FANCC: variants seen among roughly 807,000 people sequenced by gnomAD.
FANCC encodes Fanconi anemia group C protein.
Under a neutral mutation model 71.3 loss-of-function variants are expected in FANCC, and 55 were observed. That is an observed-to-expected ratio of 0.77 (90% CI 0.62 to 0.97). The LOEUF is 0.97. FANCC is among the 50% of genes least tolerant of loss of function. The pLI is 0.00. For missense variants in FANCC, 678 were observed against 670.9 expected (o/e 1.01, Z -0.12); for synonymous variants, 275 against 244.9 (o/e 1.12, Z -1.15).
chr9:95,135,079 AG>A (rs1827473155), intron 8 of FANCC, among the ~76,000 whole-genome samples: 2 of 152,250 alleles, frequency 1.3e-5, no homozygotes, highest in Non-Finnish European at 2.9e-5. Flanking sequence ...GTTTTTAAAA[AG>A]TCTGTTGTGC....
intron 1 of FANCC, among the ~76,000 whole-genome samples, chr9:95,252,873 A>AC (rs1402073453): frequency 4.7e-5 from 7 of 149,926 alleles, no homozygotes; most frequent in African/African-American, 1.7e-4. Context: ...ACATACCAAG[A>AC]CCCCATCTCT....
At chr9:95,171,889 T>TG in intron 5 of FANCC, 148 bp downstream of exon 5, 2 of 642,570 alleles carry the variant, frequency 3.1e-6, no homozygotes, top group Middle Eastern at 4.2e-4. Flanking sequence ...CTTCCGTACA[T>TG]GGCCATAAGT....
At chr9:95,209,136 G>A (rs539449831) in intron 4 of FANCC, among the ~76,000 whole-genome samples, 1 of 152,318 alleles carries the variant, frequency 6.6e-6, no homozygotes, top group East Asian at 1.9e-4. Flanking sequence ...GAAATGGCTA[G>A]ATAATCTATG....
At chr9:95,105,484 G>A (rs1403353987) in intron 14 of FANCC, among the ~76,000 whole-genome samples, 1 of 152,214 alleles carries the variant, frequency 6.6e-6, no homozygotes, top group Non-Finnish European at 1.5e-5. Context: ...CCAGCATGCT[G>A]GTGCTTTTTC....
Position 95,259,344 on chromosome 9 carries a change from G to C in FANCC, c.-78-9975C>G, listed in dbSNP as rs550746448. On this transcript the variant is annotated intron_variant, in intron 1 of 14. Coordinates refer to ENST00000289081, the MANE Select transcript of FANCC (RefSeq NM_000136.3). ...AGCATGGTACTGGTACCAAAACAGA[G>C]ATATAGGCCAATGGAACAGAACAGA... is the stretch of plus-strand genomic sequence containing the variant. Among the ~76,000 whole-genome samples the C allele has an allele frequency of 1.0e-3, 156 of 152,190 alleles. 1 individual carries two copies. Among genetic ancestry groups the C allele is most frequent in the Non-Finnish European group, 1.1e-3 (75 of 68,002 alleles).
chr9:95,253,068 G>GA (rs1008108838), intron 1 of FANCC, among the ~76,000 whole-genome samples: 1 of 151,516 alleles, frequency 6.6e-6, no homozygotes. Context: ...GTCTAAAAAA[G>GA]AAAAAAAGGC....
intron 1 of FANCC, among the ~76,000 whole-genome samples, chr9:95,252,300 A>G (rs1831394716): frequency 6.6e-6 from 1 of 151,092 alleles, no homozygotes; most frequent in African/African-American, 2.4e-5. Context: ...AAAAAGAAAA[A>G]AAAAAGAAAC....
rs1206194707 is a variant in FANCC, at chr9:95,105,538, TG to T, written c.1533+1527del. The stretch of plus-strand genomic sequence containing the variant: ...AAATTGTGGTAAAATATACATAAAA[TG>T]TGCTGTTTTACCCATTTGTGTAATT... On this transcript the variant is annotated intron_variant, in intron 14 of 14. Coordinates refer to ENST00000289081, the MANE Select transcript of FANCC (RefSeq NM_000136.3). 2.6e-5 allele frequency among the ~76,000 whole-genome samples: 4 copies of T among 152,246 alleles called. No individual in the cohort carries two copies. The East Asian group carries it at 7.7e-4, about 29-fold the overall frequency.
chr9:95,156,999 G>A (rs565043565), intron 6 of FANCC, among the ~76,000 whole-genome samples: 4 of 152,170 alleles, frequency 2.6e-5, no homozygotes, highest in Non-Finnish European at 4.4e-5. Context: ...AAAGTCAGGA[G>A]AGTCCCATCC....
chr9:95,147,014 T>C (rs1253457618), intron 7 of FANCC, among the ~76,000 whole-genome samples: 1 of 150,668 alleles, frequency 6.6e-6, no homozygotes, highest in Non-Finnish European at 1.5e-5. Context: ...ATAATTTTAT[T>C]AGATATATAT....
chr9:95,302,667 C>T (rs183264582), intron 1 of FANCC, among the ~76,000 whole-genome samples: 11 of 152,324 alleles, frequency 7.2e-5, no homozygotes, highest in Admixed American at 1.3e-4. Flanking sequence ...CCTTCTAAAG[C>T]ACTTGTGCCT....
In FANCC at chr9:95,132,368, C is replaced by T. The variant is rs117189586; in HGVS notation, c.843+2978G>A. On this transcript the variant is annotated intron_variant, in intron 8 of 14. Coordinates refer to ENST00000289081, the MANE Select transcript of FANCC (RefSeq NM_000136.3). Reference sequence around the variant, plus strand: ...TAATTTGGGGCCAGCCTTGGGAAACCGAACAATGCCAAGAAGGCTGCATAA... The same window carrying T: ...TAATTTGGGGCCAGCCTTGGGAAACTGAACAATGCCAAGAAGGCTGCATAA... Among the ~76,000 whole-genome samples the T allele has an allele frequency of 3.7e-4, 56 of 152,320 alleles. No homozygotes were observed. The East Asian group carries it at 8.1e-3, about 22-fold the overall frequency.
intron 14 of FANCC, among the ~76,000 whole-genome samples, chr9:95,105,535 A>C (rs1053991835): frequency 2.0e-5 from 3 of 152,240 alleles, no homozygotes; most frequent in Admixed American, 6.5e-5. Flanking sequence ...AATATACATA[A>C]AATGTGCTGT....
At chr9:95,215,233 G>A (rs1028788121) in intron 4 of FANCC, among the ~76,000 whole-genome samples, 7 of 152,132 alleles carry the variant, frequency 4.6e-5, no homozygotes, top group African/African-American at 1.7e-4. Flanking sequence ...ATCTGAGGAT[G>A]CAAAGAAATG....
At chr9:95,123,889 T>G in intron 10 of FANCC, 1 of 512,788 alleles carries the variant, frequency 2.0e-6, no homozygotes, top group Admixed American at 2.5e-5. Context: ...CCTTAAAGTC[T>G]GAAGACGGAC....
chr9:95,172,360 CATT>C (rs1209325749), intron 4 of FANCC, among the ~76,000 whole-genome samples: 3 of 152,152 alleles, frequency 2.0e-5, no homozygotes, highest in Admixed American at 6.5e-5. Flanking sequence ...TTTAAACAAA[CATT>C]AGCAGTGAAA....
chr9:95,140,542 T>C (rs989491462), intron 7 of FANCC, among the ~76,000 whole-genome samples: 1 of 152,194 alleles, frequency 6.6e-6, no homozygotes, highest in Non-Finnish European at 1.5e-5. Context: ...AGGTTCTTGA[T>C]GAGGGAGGCC....
At position 95,107,118 on chromosome 9, in the gene FANCC, A is replaced by T; in HGVS notation, c.1481T>A (p.Phe494Tyr). Residue 494 changes from phenylalanine (F) to tyrosine (Y), a missense_variant, in exon 14 of 15, where the codon TTC becomes TAC. Transcript: ENST00000289081. The part of the protein sequence containing the change: ...QQLIRHLLLN[F>Y]LLWAPGGHTI... ...GTGGCCTCCAGGAGCCCAGAGCAGGAAGTTGAGGAGAAGGTGCCTGATCAG... is the reference window on the plus strand; with the variant it reads ...GTGGCCTCCAGGAGCCCAGAGCAGGTAGTTGAGGAGAAGGTGCCTGATCAG... The T allele has an allele frequency of 6.2e-7, 1 of 1,614,130 alleles. No homozygotes were observed. The highest frequency in any genetic ancestry group is 8.5e-7 in the Non-Finnish European group (1 of 1,180,022).
At chr9:95,149,659 A>G (rs1006380039) in intron 7 of FANCC, among the ~76,000 whole-genome samples, 6 of 151,972 alleles carry the variant, frequency 3.9e-5, no homozygotes, top group Non-Finnish European at 8.8e-5. Flanking sequence ...TTGCATTTTT[A>G]GTAGAGACAG....
Sources: gnomAD v4.1 joint callset for allele counts (sites outside exome capture counted in the v4.1 genomes callset) on GRCh38, gnomAD v4.1.1 for gene constraint, MANE v1.5 for transcripts, NCBI Gene and HGNC (gene_info 2026-07-23, HGNC 2026-07-21) for gene names.